MAGI2: variants seen among roughly 807,000 people sequenced by gnomAD.
MAGI2 encodes the protein membrane-associated guanylate kinase, WW and PDZ domain-containing protein 2.
Under a neutral mutation model 133.3 loss-of-function variants are expected in MAGI2, and 35 were observed. That is an observed-to-expected ratio of 0.26 (90% CI 0.20 to 0.35). MAGI2 has a LOEUF of 0.35. Ranked by LOEUF, MAGI2 falls within the 10% of genes least tolerant of loss-of-function variation. MAGI2 has a pLI of 1.00. For missense variants in MAGI2, 1,636 were observed against 1,863.4 expected (o/e 0.88, Z 2.25); for synonymous variants, 729 against 710.6 (o/e 1.03, Z -0.41).
intron 10 of MAGI2, among the ~76,000 whole-genome samples, chr7:78,234,443 T>G (rs142558807): frequency 4.6e-5 from 7 of 152,128 alleles, no homozygotes; most frequent in Non-Finnish European, 8.8e-5. Context: ...AGGCACAACA[T>G]AATACATTTT....
At chr7:78,540,033 C>T (rs751455510) in intron 3 of MAGI2, among the ~76,000 whole-genome samples, 3 of 152,144 alleles carry the variant, frequency 2.0e-5, no homozygotes, top group Non-Finnish European at 2.9e-5. Context: ...CAGGAGGTGG[C>T]GCTTTCAAGA....
Position 79,266,518 on chromosome 7 carries a change from AG to A in MAGI2, c.301+186501del, listed in dbSNP as rs1486175851. On this transcript the variant is annotated intron_variant, in intron 1 of 21. Transcript: ENST00000354212. The stretch of plus-strand genomic sequence containing the variant: ...AGCTAATTTCCCCACTAAGGGGAGT[AG>A]GGGAAGGTCTGGTTTGAAAAGCTAA... 4.6e-5 allele frequency among the ~76,000 whole-genome samples: 7 copies of A among 152,200 alleles called. No homozygotes were observed. The East Asian group carries it at 7.8e-4, about 17-fold the overall frequency.
At chr7:79,344,775 G>A (rs534014916) in intron 1 of MAGI2, among the ~76,000 whole-genome samples, 2 of 152,028 alleles carry the variant, frequency 1.3e-5, no homozygotes, top group Non-Finnish European at 2.9e-5. Context: ...TTAGGGAACA[G>A]GGTAATATAA....
chr7:78,449,751 A>G (rs925588824), intron 6 of MAGI2, among the ~76,000 whole-genome samples: 5 of 152,142 alleles, frequency 3.3e-5, no homozygotes, highest in Non-Finnish European at 2.9e-5. Flanking sequence ...CATTTGCTAA[A>G]TATAACAATT....
chr7:78,662,021 T>C (rs1050559564), intron 2 of MAGI2, among the ~76,000 whole-genome samples: 8 of 152,110 alleles, frequency 5.3e-5, no homozygotes, highest in African/African-American at 1.4e-4. Flanking sequence ...ATGAATAATC[T>C]GCTTACACGG....
At chr7:78,245,117 A>T (rs798354) in intron 10 of MAGI2, among the ~76,000 whole-genome samples, 82,655 of 151,988 alleles carry the variant, frequency 0.54, 22,790 homozygotes, top group East Asian at 0.76. Context: ...GTACGCGTGT[A>T]TGCCCCCAAA....
chr7:79,262,905 T>C (rs2129556560), intron 1 of MAGI2, among the ~76,000 whole-genome samples: 1 of 152,324 alleles, frequency 6.6e-6, no homozygotes, highest in Non-Finnish European at 1.5e-5. Flanking sequence ...TTTTCAAAAA[T>C]TAAATATTAG....
chr7:78,365,008 T>C (rs1285092089), intron 7 of MAGI2, among the ~76,000 whole-genome samples: 1 of 152,202 alleles, frequency 6.6e-6, no homozygotes, highest in Non-Finnish European at 1.5e-5. Context: ...AGACAGCAGA[T>C]AAAATTTAAA....
chr7:78,544,707 A>G (rs1798677324), intron 3 of MAGI2, among the ~76,000 whole-genome samples: 1 of 152,274 alleles, frequency 6.6e-6, no homozygotes, highest in Admixed American at 6.5e-5. Flanking sequence ...CAAGACCCTC[A>G]GGTGACTCAG....
chr7:78,324,586 A>G (rs1788386050), intron 9 of MAGI2, among the ~76,000 whole-genome samples: 1 of 144,046 alleles, frequency 6.9e-6, no homozygotes, highest in African/African-American at 2.4e-5. Context: ...GCACAATGTC[A>G]ATAAACTCTC....
intron 2 of MAGI2, among the ~76,000 whole-genome samples, chr7:78,871,466 C>T (rs977912248): frequency 6.6e-6 from 1 of 151,950 alleles, no homozygotes; most frequent in African/African-American, 2.4e-5. Flanking sequence ...AATAAAAAAC[C>T]ACCTGTTACC....
Position 78,019,994 on chromosome 7 carries a change from A to T in MAGI2, c.3707-18T>A, listed in dbSNP as rs749762942. 2 of 1,583,242 alleles carry T rather than the reference A, an allele frequency of 1.3e-6. No individual in the cohort carries two copies. Among genetic ancestry groups the T allele is most frequent in the East Asian group, 4.6e-5 (2 of 43,262 alleles). The stretch of plus-strand genomic sequence containing the variant: ...GGGTTCGTCTGTGGACGGGAAGCAC[A>T]GGCGTTAGCAGTGGCGCACGCAGGA... On this transcript the variant is annotated intron_variant, in intron 21 of 21. Transcript: ENST00000354212.
intron 2 of MAGI2, among the ~76,000 whole-genome samples, chr7:78,839,323 T>C (rs775432410): frequency 3.9e-5 from 6 of 152,148 alleles, no homozygotes; most frequent in Non-Finnish European, 8.8e-5. Flanking sequence ...TGGGCCCAGC[T>C]ATTTTAGTGC....
chr7:79,124,787 G>T (rs1200122120), intron 1 of MAGI2: 1 of 164,134 alleles, frequency 6.1e-6, no homozygotes, highest in Non-Finnish European at 1.3e-5. Context: ...CATTGGGTTG[G>T]GGGAGTTGAG....
intron 1 of MAGI2, among the ~76,000 whole-genome samples, chr7:79,028,269 GTA>G (rs1464056500): frequency 4.7e-5 from 1 of 21,356 alleles, no homozygotes. Context: ...ATATATATAT[GTA>G]TGTATGTATA....
intron 2 of MAGI2, among the ~76,000 whole-genome samples, chr7:78,946,307 G>T (rs1801411783): frequency 6.6e-6 from 1 of 152,122 alleles, no homozygotes; most frequent in East Asian, 1.9e-4. Flanking sequence ...TAATATGATT[G>T]TCATTACATC....
At chr7:79,260,235 G>A (rs1394694425) in intron 1 of MAGI2, among the ~76,000 whole-genome samples, 1 of 151,950 alleles carries the variant, frequency 6.6e-6, no homozygotes, top group Non-Finnish European at 1.5e-5. Context: ...GCGCTCCTGG[G>A]GTCCCAGCTA....
chr7:78,816,616 T>A (rs77403970), intron 2 of MAGI2, among the ~76,000 whole-genome samples: 1 of 152,314 alleles, frequency 6.6e-6, no homozygotes, highest in South Asian at 2.1e-4. Context: ...AAAAATTACA[T>A]GACATTTACT....
intron 1 of MAGI2, among the ~76,000 whole-genome samples, chr7:79,422,012 A>T (rs542178696): frequency 6.6e-5 from 10 of 152,110 alleles, no homozygotes; most frequent in African/African-American, 2.4e-4. Context: ...TTTCATTGCA[A>T]TACGCAAGCC....
Sources: gnomAD v4.1 joint callset for allele counts (sites outside exome capture counted in the v4.1 genomes callset) on GRCh38, gnomAD v4.1.1 for gene constraint, MANE v1.5 for transcripts, NCBI Gene and HGNC (gene_info 2026-07-23, HGNC 2026-07-21) for gene names.